Variants in NEK7 observed in about 807,000 individuals in gnomAD.
The protein encoded by NEK7 is serine/threonine-protein kinase Nek7.
A neutral mutation model predicts 44.6 loss-of-function variants in NEK7; 18 were observed. The ratio of observed to expected loss-of-function variants is 0.40; its 90% CI spans 0.28 to 0.60. The LOEUF is 0.60. Ranked by LOEUF, NEK7 falls within the 20% of genes least tolerant of loss-of-function variation. The pLI, the probability that NEK7 is intolerant of heterozygous loss-of-function variation, is 0.38. For synonymous variants in NEK7, 130 were observed against 121.1 expected (o/e 1.07, Z -0.48); for missense variants, 256 against 366.5 (o/e 0.70, Z 2.46).
rs772471999 is a variant in NEK7 at position 198,264,108 on chromosome 1, C to T, written c.262-17C>T. ...TTACAGTAAGAAAACTTTCTGATGCCTGTTTTATTTTCTCAGCAACTCAAC... is the reference window on the plus strand; with the variant it reads ...TTACAGTAAGAAAACTTTCTGATGCTTGTTTTATTTTCTCAGCAACTCAAC... On this transcript the variant is annotated splice_polypyrimidine_tract_variant and intron_variant, in intron 4 of 9. Coordinates refer to ENST00000367385, the MANE Select transcript of NEK7 (RefSeq NM_133494.3). 4.5e-6 allele frequency: 7 copies of T among 1,570,646 alleles called. No homozygotes were observed. In the African/African-American group the frequency reaches 6.9e-5, roughly 16 times the overall value.
intron 5 of NEK7, among the ~76,000 whole-genome samples, chr1:198,274,697 G>T (rs1010210572): frequency 6.6e-6 from 1 of 151,690 alleles, no homozygotes; most frequent in African/African-American, 2.4e-5. Context: ...ACTTGGAGTT[G>T]TAATGTCTAG....
intron 5 of NEK7, among the ~76,000 whole-genome samples, chr1:198,268,050 T>C (rs1452703625): frequency 6.6e-6 from 1 of 152,024 alleles, no homozygotes; most frequent in African/African-American, 2.4e-5. Context: ...TGTCTTGATT[T>C]TCTTCCTACC....
chr1:198,307,223 A>G (rs6704165), intron 9 of NEK7, among the ~76,000 whole-genome samples: 12,548 of 152,174 alleles, frequency 0.082, 683 homozygotes, highest in East Asian at 0.17. Flanking sequence ...ACAGAAGACA[A>G]AGTTTTCTCC....
In NEK7 at chr1:198,249,966, C is replaced by T. The variant is rs1243998278; in HGVS notation, c.58-3074C>T. ...TGAAGTCCTTGCCCATGCCTATGTC[C>T]TGAATGGTAACGCCTAGGTTTTCTT... is the stretch of plus-strand genomic sequence containing the variant. On this transcript the variant is annotated intron_variant, in intron 2 of 9. Coordinates refer to ENST00000367385, the MANE Select transcript of NEK7 (RefSeq NM_133494.3). 3.4e-5 allele frequency among the ~76,000 whole-genome samples: 5 copies of T among 145,756 alleles called. No homozygotes were observed. In the East Asian group the frequency reaches 1.0e-3, roughly 30 times the overall value.
chr1:198,252,660 TTATA>T (rs1442995303), intron 2 of NEK7, among the ~76,000 whole-genome samples: 3 of 137,890 alleles, frequency 2.2e-5, no homozygotes, highest in Non-Finnish European at 3.0e-5. Flanking sequence ...ATATGTATGT[TTATA>T]TATTAAAACA....
intron 1 of NEK7, among the ~76,000 whole-genome samples, chr1:198,168,285 A>T (rs1161140990): frequency 1.3e-5 from 2 of 152,314 alleles, no homozygotes; most frequent in East Asian, 3.9e-4. Context: ...AATGATTCAG[A>T]TAATATAAGA....
At chr1:198,295,085 C>T (rs888409087) in intron 8 of NEK7, among the ~76,000 whole-genome samples, 2 of 145,916 alleles carry the variant, frequency 1.4e-5, no homozygotes, top group African/African-American at 2.6e-5. Context: ...TTCCTGAAAC[C>T]TCAAAAAAAA....
intron 5 of NEK7, among the ~76,000 whole-genome samples, chr1:198,267,975 G>A (rs1171943100): frequency 6.6e-6 from 1 of 151,788 alleles, no homozygotes; most frequent in Non-Finnish European, 1.5e-5. Context: ...TTTCTCAGCA[G>A]CATTTGGCTC....
At chr1:198,169,226 C>T (rs187915165) in intron 1 of NEK7, among the ~76,000 whole-genome samples, 1 of 152,266 alleles carries the variant, frequency 6.6e-6, no homozygotes, top group East Asian at 1.9e-4. Flanking sequence ...GTCAATTTTT[C>T]AGTCATTAGA....
At chr1:198,159,803 A>G (rs929148877) in intron 1 of NEK7, among the ~76,000 whole-genome samples, 1 of 152,148 alleles carries the variant, frequency 6.6e-6, no homozygotes, top group South Asian at 2.1e-4. Flanking sequence ...GTGTACTAGT[A>G]GAGGAGGGGA....
chr1:198,203,483 CA>C (rs1665498408), intron 1 of NEK7, among the ~76,000 whole-genome samples: 1 of 152,198 alleles, frequency 6.6e-6, no homozygotes, highest in African/African-American at 2.4e-5. Flanking sequence ...AAGACAAACA[CA>C]CAAGAACTCT....
chr1:198,293,185 T>C (rs1654611758), intron 8 of NEK7, 146 bp downstream of exon 8: 2 of 515,312 alleles, frequency 3.9e-6, no homozygotes, highest in East Asian at 3.1e-5. Flanking sequence ...AATAACTTTG[T>C]ATAATGGAAT....
At chr1:198,293,082 T>G (rs1412869755) in intron 8 of NEK7, 43 bp downstream of exon 8, 1 of 1,009,538 alleles carries the variant, frequency 9.9e-7, no homozygotes, top group Non-Finnish European at 1.6e-6. Flanking sequence ...GCAGTTTTAC[T>G]TAGTATATTT....
At chr1:198,293,098 A>T in intron 8 of NEK7, 59 bp downstream of exon 8, 1 of 899,774 alleles carries the variant, frequency 1.1e-6, no homozygotes, top group South Asian at 1.4e-5. Flanking sequence ...TATTTCCTCT[A>T]TCCTTATAGT....
In NEK7 at chr1:198,271,903, T is replaced by TA. The variant is rs1491139809; in HGVS notation, c.373-6058_373-6057insA. ...TATATATATAAATTAAAAATTTATA[T>TA]TTTATATATATATATATATATACAC... On this transcript the variant is annotated intron_variant, in intron 5 of 9. Coordinates refer to ENST00000367385, the MANE Select transcript of NEK7 (RefSeq NM_133494.3). Among the ~76,000 whole-genome samples the TA allele has an allele frequency of 2.0e-3, 210 of 106,168 alleles. 1 individual carries two copies. The highest frequency in any genetic ancestry group is 8.1e-4 in the Non-Finnish European group (47 of 58,168). 69.7% of individuals were successfully genotyped at this position (106,168 alleles called of 152,430 possible).
chr1:198,237,203 A>T (rs550363752), intron 2 of NEK7, among the ~76,000 whole-genome samples: 1 of 152,268 alleles, frequency 6.6e-6, no homozygotes, highest in South Asian at 2.1e-4. Context: ...GACACTTAAC[A>T]GTGGAGTGCC....
chr1:198,162,875 G>C (rs922569159), intron 1 of NEK7, among the ~76,000 whole-genome samples: 1 of 151,882 alleles, frequency 6.6e-6, no homozygotes, highest in Non-Finnish European at 1.5e-5. Flanking sequence ...AGGCTTGGGG[G>C]GTTATATTAT....
At chr1:198,270,226 T>C (rs1361504979) in intron 5 of NEK7, among the ~76,000 whole-genome samples, 2 of 152,014 alleles carry the variant, frequency 1.3e-5, no homozygotes, top group Admixed American at 6.6e-5. Flanking sequence ...ACTTCATTCA[T>C]TGAATTAATT....
At chr1:198,184,609 A>G (rs1291864686) in intron 1 of NEK7, among the ~76,000 whole-genome samples, 1 of 152,154 alleles carries the variant, frequency 6.6e-6, no homozygotes, top group Non-Finnish European at 1.5e-5. Context: ...CATGCACACA[A>G]TGCAACAACC....
Sources: gnomAD v4.1 joint callset for allele counts (sites outside exome capture counted in the v4.1 genomes callset) on GRCh38, gnomAD v4.1.1 for gene constraint, MANE v1.5 for transcripts, NCBI Gene and HGNC (gene_info 2026-07-23, HGNC 2026-07-21) for gene names.